Variants in ALDH1A1 observed in about 807,000 individuals in gnomAD.
ALDH1A1 encodes aldehyde dehydrogenase 1 family member A1, also known as aldehyde dehydrogenase 1A1.
In ALDH1A1, 19 loss-of-function variants were observed where a neutral mutation model predicts 62.1. That is an observed-to-expected ratio of 0.31 (90% CI 0.21 to 0.45). The LOEUF is 0.45. Ranked by LOEUF, ALDH1A1 falls within the 20% of genes least tolerant of loss-of-function variation. ALDH1A1 has a pLI of 1.00. For synonymous variants in ALDH1A1, 231 were observed against 215.9 expected, an observed-to-expected ratio of 1.07 and a Z score of -0.61; for missense variants, 521 against 607.1, an observed-to-expected ratio of 0.86 and a Z score of 1.49.
At chr9:72,906,129 T>A in intron 11 of ALDH1A1, 97 bp from the exon 12 acceptor site, 1 of 815,208 alleles carries the variant, frequency 1.2e-6, no homozygotes, top group Non-Finnish European at 2.0e-6. Flanking sequence ...CCTTACAAAC[T>A]CCATTAATTT....
At chr9:72,944,149 A>G (rs1411455707) in intron 1 of ALDH1A1, among the ~76,000 whole-genome samples, 1 of 152,024 alleles carries the variant, frequency 6.6e-6, no homozygotes, top group Non-Finnish European at 1.5e-5. Context: ...AGGGAGAGAG[A>G]CCAGATCAAA....
At chr9:72,901,403 T>G (rs761594984) in intron 12 of ALDH1A1, 123 bp from the exon 13 acceptor site, 2 of 615,804 alleles carry the variant, frequency 3.2e-6, no homozygotes, top group Non-Finnish European at 2.8e-6. Context: ...AAATATTTCT[T>G]GTGTACAGAG....
At chr9:72,928,223 C>T (rs1460851211) in intron 4 of ALDH1A1, among the ~76,000 whole-genome samples, 1 of 151,420 alleles carries the variant, frequency 6.6e-6, no homozygotes, top group African/African-American at 2.4e-5. Context: ...TAAATTCCAC[C>T]CATACTGTTT....
At chr9:72,903,630 C>G (rs1267351967) in intron 12 of ALDH1A1, among the ~76,000 whole-genome samples, 1 of 150,478 alleles carries the variant, frequency 6.6e-6, no homozygotes, top group South Asian at 2.1e-4. Flanking sequence ...AAACCCACAA[C>G]TTTTTCCTTT....
chr9:72,909,886 A>G (rs1200133783), intron 10 of ALDH1A1, 127 bp from the exon 11 acceptor site: 4 of 730,136 alleles, frequency 5.5e-6, no homozygotes, highest in African/African-American at 1.8e-5. Context: ...TCTCAAACCT[A>G]TGTGTGAGAA....
chr9:72,927,542 A>G (rs1830227324), intron 4 of ALDH1A1, among the ~76,000 whole-genome samples: 1 of 152,206 alleles, frequency 6.6e-6, no homozygotes, highest in African/African-American at 2.4e-5. Flanking sequence ...TGATTTGAAA[A>G]TTATCTTTAT....
intron 2 of ALDH1A1, among the ~76,000 whole-genome samples, chr9:72,933,074 C>G (rs1470988084): frequency 1.3e-5 from 2 of 152,222 alleles, no homozygotes; most frequent in Non-Finnish European, 2.9e-5. Context: ...GCCCCCTTTT[C>G]TCACATCTTA....
intron 2 of ALDH1A1, among the ~76,000 whole-genome samples, chr9:72,938,918 T>C (rs956416940): frequency 6.6e-6 from 1 of 151,854 alleles, no homozygotes; most frequent in Non-Finnish European, 1.5e-5. Flanking sequence ...AATTTTTGTA[T>C]TTTTAGTAGA....
intron 2 of ALDH1A1, among the ~76,000 whole-genome samples, chr9:72,939,481 T>G (rs1466817328): frequency 6.6e-6 from 1 of 152,152 alleles, no homozygotes; most frequent in African/African-American, 2.4e-5. Flanking sequence ...ATAATAACTT[T>G]TAGTTTTATC....
chr9:72,924,387 G>A (rs973660644), intron 6 of ALDH1A1, among the ~76,000 whole-genome samples: 3 of 152,164 alleles, frequency 2.0e-5, no homozygotes, highest in Non-Finnish European at 4.4e-5. Flanking sequence ...TTGCTCCAGT[G>A]ATGGCTCTTT....
Position 72,937,031 on chromosome 9 carries a change from C to T in ALDH1A1, c.171+3117G>A, listed in dbSNP as rs995606100. Among the ~76,000 whole-genome samples the T allele has an allele frequency of 5.3e-5, 8 of 152,206 alleles. No individual in the cohort carries two copies. In the South Asian group the frequency reaches 1.7e-3, roughly 32 times the overall value. ...TGGGGCTCAGCTATCTGTGTTTTAA[C>T]AAGCCTTCCTGGACATTCTGAGACA... is the stretch of plus-strand genomic sequence containing the variant. On this transcript the variant is annotated intron_variant, in intron 2 of 12. Transcript: ENST00000297785.
chr9:72,911,514 C>G (rs2118495598), intron 10 of ALDH1A1, among the ~76,000 whole-genome samples: 1 of 152,254 alleles, frequency 6.6e-6, no homozygotes, highest in East Asian at 1.9e-4. Flanking sequence ...CAACCCTCAT[C>G]CTCCACTCCC....
Position 72,921,472 on chromosome 9 carries a change from G to T in ALDH1A1, c.747+2547C>A, listed in dbSNP as rs941550214. ...AGTTGAAAGTAGGATGGGTTTTGTG[G>T]CTCCTAAAATCGTGTTATTCACATT... On this transcript the variant is annotated intron_variant, in intron 7 of 12. Coordinates refer to ENST00000297785, the MANE Select transcript of ALDH1A1 (RefSeq NM_000689.5). Among the ~76,000 whole-genome samples the T allele has an allele frequency of 2.0e-5, 3 of 149,570 alleles. No homozygotes were observed. The East Asian group carries it at 5.9e-4, about 29-fold the overall frequency.
At chr9:72,905,818 A>G in intron 12 of ALDH1A1, 140 bp downstream of exon 12, 1 of 637,864 alleles carries the variant, frequency 1.6e-6, no homozygotes, top group Non-Finnish European at 2.7e-6. Flanking sequence ...CCCACATTTA[A>G]TAAGCTATTT....
Position 72,900,971 on chromosome 9 carries a change from C to T in ALDH1A1, c.*237G>A, listed in dbSNP as rs907031438. ...GACAAAGCTAGAGAGATCATACATC[C>T]GAATTTGTCTTTTTTTATTTAGGAT... is the stretch of plus-strand genomic sequence containing the variant. On this transcript the variant is annotated 3_prime_UTR_variant, in exon 13 of 13. Coordinates refer to ENST00000297785, the MANE Select transcript of ALDH1A1 (RefSeq NM_000689.5). 19 of 352,792 alleles carry T rather than the reference C, an allele frequency of 5.4e-5. No homozygotes were observed. In the South Asian group the frequency reaches 6.7e-4, roughly 12 times the overall value. The allele number at this position is 352,792 out of a possible 1,614,324, so 21.9% of individuals were successfully genotyped here.
At chr9:72,905,885 T>G in intron 12 of ALDH1A1, 73 bp downstream of exon 12, 3 of 1,260,552 alleles carry the variant, frequency 2.4e-6, no homozygotes, top group Non-Finnish European at 3.3e-6. Context: ...GTGAAAACTA[T>G]GAGTTAATTC....
intron 6 of ALDH1A1, 121 bp from the exon 7 acceptor site, chr9:72,924,253 AC>A (rs1250322769): frequency 3.2e-6 from 2 of 617,924 alleles, no homozygotes; most frequent in Non-Finnish European, 2.8e-6. Context: ...AAAATAATTC[AC>A]CCAACTGGCT....
intron 2 of ALDH1A1, among the ~76,000 whole-genome samples, chr9:72,934,544 T>C (rs1830325444): frequency 1.3e-5 from 2 of 152,180 alleles, no homozygotes; most frequent in African/African-American, 2.4e-5. Context: ...TTCTACTCTA[T>C]CTGACCCAAC....
At chr9:72,932,338 G>A (rs1468981117) in intron 2 of ALDH1A1, among the ~76,000 whole-genome samples, 1 of 151,976 alleles carries the variant, frequency 6.6e-6, no homozygotes, top group Non-Finnish European at 1.5e-5. Flanking sequence ...CCCTCAAATG[G>A]ACCTCAAATT....
Sources: allele counts gnomAD v4.1 joint callset (sites outside exome capture counted in the v4.1 genomes callset), GRCh38; gene constraint gnomAD v4.1.1; transcripts MANE v1.5; gene names NCBI Gene and HGNC (gene_info 2026-07-23, HGNC 2026-07-21).